ZDHHC7: variants seen among roughly 807,000 people sequenced by gnomAD.
ZDHHC7 encodes zDHHC palmitoyltransferase 7, also known as palmitoyltransferase ZDHHC7.
In ZDHHC7, 12 loss-of-function variants were observed where a neutral mutation model predicts 34.1. The observed-to-expected ratio is 0.35, with a 90% CI of 0.23 to 0.57. ZDHHC7 has a LOEUF of 0.57. Ranked by LOEUF, ZDHHC7 falls within the 20% of genes least tolerant of loss-of-function variation. The probability of loss-of-function intolerance (pLI) is 0.84; values close to 1 mark genes in which losing one functional copy is unlikely to be tolerated. For synonymous variants in ZDHHC7, 185 were observed against 155.4 expected, an observed-to-expected ratio of 1.19 and a Z score of -1.42; for missense variants, 388 against 402.7, an observed-to-expected ratio of 0.96 and a Z score of 0.31.
At chr16:85,021,645 G>C in the ZDHHC7 span, among the ~76,000 whole-genome samples, 1 of 152,034 alleles carries the variant, frequency 6.6e-6, no homozygotes, top group African/African-American at 2.4e-5. Flanking sequence ...TTGAACCCAA[G>C]AGACGGAGGT....
At chr16:85,018,783 GGA>G in the ZDHHC7 span, among the ~76,000 whole-genome samples, 13 of 152,112 alleles carry the variant, frequency 8.5e-5, no homozygotes, top group Admixed American at 2.6e-4. Context: ...ATGCTGGCAG[GGA>G]GAGAGAGAAA....
intron 3 of ZDHHC7, chr16:84,988,782 G>A (rs1567497548): frequency 6.4e-7 from 1 of 1,551,666 alleles, no homozygotes; most frequent in Non-Finnish European, 8.7e-7. Context: ...GCTTTGCACA[G>A]ACTCGGTTCC....
chr16:84,993,674 T>A (rs532910919), intron 2 of ZDHHC7, among the ~76,000 whole-genome samples: 1 of 152,258 alleles, frequency 6.6e-6, no homozygotes, highest in East Asian at 1.9e-4. Context: ...AAAAAAACTT[T>A]TAAAAATAAT....
intron 1 of ZDHHC7, among the ~76,000 whole-genome samples, chr16:85,004,043 T>C (rs1334896926): frequency 6.6e-6 from 1 of 151,964 alleles, no homozygotes. Context: ...AAAAAAGATA[T>C]CTGGAAAACT....
At chr16:84,980,462 G>T (rs957524606) in intron 4 of ZDHHC7, among the ~76,000 whole-genome samples, 14 of 151,998 alleles carry the variant, frequency 9.2e-5, no homozygotes, top group African/African-American at 2.7e-4. Flanking sequence ...CTGAAGTCAG[G>T]AGTTCGAGAC....
In ZDHHC7 at chr16:84,987,853, G is replaced by A. The variant is rs2072456993; in HGVS notation, c.315+2451C>T. Among the ~76,000 whole-genome samples, 4 of 152,338 alleles carry A rather than the reference G, an allele frequency of 2.6e-5. No homozygotes were observed. The South Asian group carries it at 6.2e-4, about 24-fold the overall frequency. The stretch of plus-strand genomic sequence containing the variant: ...TGAGAGCCAGGCACAAAAGGCCACA[G>A]ACGAGATGACTATGAAAGTCCCTCA... On this transcript the variant is annotated intron_variant, in intron 3 of 7. Coordinates refer to ENST00000313732, the MANE Select transcript of ZDHHC7 (RefSeq NM_017740.3).
At chr16:85,012,131 C>T (rs943809059), upstream of ZDHHC7, among the ~76,000 whole-genome samples, 2 of 152,148 alleles carry the variant, frequency 1.3e-5, no homozygotes, top group African/African-American at 4.8e-5. Context: ...CCTGTAACTC[C>T]AGCACTTTGG....
In ZDHHC7 at chr16:84,974,747, C is replaced by T. The variant is rs1053456412; in HGVS notation, c.*1596G>A. On this transcript the variant is annotated 3_prime_UTR_variant, in exon 8 of 8. Coordinates refer to ENST00000313732, the MANE Select transcript of ZDHHC7 (RefSeq NM_017740.3). ...TTGTCCCTCTGGCTGTGACGCAGCTCTTCCCCCAACGGCGCACACGCTTCT... is the reference window on the plus strand; with the variant it reads ...TTGTCCCTCTGGCTGTGACGCAGCTTTTCCCCCAACGGCGCACACGCTTCT... 1.3e-5 allele frequency: 2 copies of T among 152,690 alleles called. No homozygotes were observed. Among genetic ancestry groups the T allele is most frequent in the Non-Finnish European group, 2.9e-5 (2 of 68,062 alleles). The allele number at this position is 152,690 out of a possible 1,614,324, so 9.5% of individuals were successfully genotyped here.
At chr16:84,995,257 A>AAG (rs2072561586) in intron 2 of ZDHHC7, among the ~76,000 whole-genome samples, 1 of 152,210 alleles carries the variant, frequency 6.6e-6, no homozygotes, top group Non-Finnish European at 1.5e-5. Flanking sequence ...ATGTTAAATA[A>AAG]AGCCCTGTTT....
intron 1 of ZDHHC7, chr16:85,005,154 T>C (rs180713447): frequency 1.3e-5 from 2 of 152,288 alleles, no homozygotes; most frequent in Admixed American, 6.5e-5. Context: ...AAAAGAACTC[T>C]AGAGTTCCAA....
At chr16:85,008,201 A>G (rs1213336711) in intron 1 of ZDHHC7, among the ~76,000 whole-genome samples, 1 of 152,088 alleles carries the variant, frequency 6.6e-6, no homozygotes, top group Non-Finnish European at 1.5e-5. Flanking sequence ...AATATGATGT[A>G]GGGTGAGGGG....
upstream of ZDHHC7, among the ~76,000 whole-genome samples, chr16:85,011,697 G>C (rs1316306259): frequency 6.6e-6 from 1 of 152,198 alleles, no homozygotes; most frequent in African/African-American, 2.4e-5. Context: ...CGCTAAGACA[G>C]AGATGCCGCC....
intron 3 of ZDHHC7, chr16:84,988,613 C>T (rs920642527): frequency 1.4e-5 from 10 of 690,916 alleles, no homozygotes; most frequent in East Asian, 2.8e-5. Context: ...GGAGCAGGAG[C>T]GGGGTGGGAG....
chr16:84,976,268 A>T lies in ZDHHC7; in HGVS notation c.*75T>A. The T allele has an allele frequency of 6.4e-7, 1 of 1,569,294 alleles. No individual in the cohort carries two copies. The highest frequency in any genetic ancestry group is 1.1e-5 in the South Asian group (1 of 87,026). Reference sequence around the variant, plus strand: ...CCAGTTGCCCTGTTGGTCACAGATGAGCTGTTGATATCCTTCAGACCCCAA... The same window carrying T: ...CCAGTTGCCCTGTTGGTCACAGATGTGCTGTTGATATCCTTCAGACCCCAA... On this transcript the variant is annotated 3_prime_UTR_variant, in exon 8 of 8. Transcript: ENST00000313732.
intron 1 of ZDHHC7, among the ~76,000 whole-genome samples, chr16:85,003,780 C>T (rs138532534): frequency 0.023 from 3,545 of 152,142 alleles, 67 homozygotes; most frequent in Middle Eastern, 0.065. Flanking sequence ...AAAAACATGG[C>T]AAAGTGGGGG....
chr16:84,991,704 T>C (rs1188073214), intron 2 of ZDHHC7, among the ~76,000 whole-genome samples: 1 of 150,846 alleles, frequency 6.6e-6, no homozygotes, highest in African/African-American at 2.4e-5. Context: ...GGTCTGACTA[T>C]GTTGCCTGGG....
intron 3 of ZDHHC7, among the ~76,000 whole-genome samples, chr16:84,984,601 G>A (rs977148743): frequency 6.6e-6 from 1 of 152,192 alleles, no homozygotes; most frequent in African/African-American, 2.4e-5. Flanking sequence ...TATGACCAAG[G>A]AAAGGCATTT....
At chr16:85,015,352 C>T (rs1290346953), upstream of ZDHHC7, among the ~76,000 whole-genome samples, 4 of 152,040 alleles carry the variant, frequency 2.6e-5, no homozygotes, top group South Asian at 2.1e-4. Context: ...CCACCCACCT[C>T]GTCTTCCCAA....
chr16:84,989,694 C>CAAAAAA (rs35823318), intron 3 of ZDHHC7, among the ~76,000 whole-genome samples: 25 of 96,448 alleles, frequency 2.6e-4, no homozygotes, highest in Non-Finnish European at 3.1e-4. Flanking sequence ...AACTCCGTCT[C>CAAAAAA]AAAAAAAAAA....
Sources: allele counts gnomAD v4.1 joint callset (sites outside exome capture counted in the v4.1 genomes callset), GRCh38; gene constraint gnomAD v4.1.1; transcripts MANE v1.5; gene names NCBI Gene and HGNC (gene_info 2026-07-23, HGNC 2026-07-21).